TRIO: variants seen among roughly 807,000 people sequenced by gnomAD.
TRIO encodes triple functional domain protein.
TRIO carries 58 observed loss-of-function variants against 351.9 expected under a neutral mutation model. The ratio of observed to expected loss-of-function variants is 0.16; its 90% CI spans 0.13 to 0.21. The LOEUF (loss-of-function observed/expected upper bound fraction) is 0.21. TRIO is among the 10% of genes least tolerant of loss of function. The probability of loss-of-function intolerance (pLI) is 1.00; values close to 1 mark genes in which losing one functional copy is unlikely to be tolerated. For missense variants in TRIO, 3,201 were observed against 4,027.8 expected (o/e 0.79, Z 5.56); for synonymous variants, 1,758 against 1,595.7 (o/e 1.10, Z -2.42).
At chr5:14,289,576 G>A (rs1047584145) in intron 4 of TRIO, among the ~76,000 whole-genome samples, 1 of 151,874 alleles carries the variant, frequency 6.6e-6, no homozygotes, top group Non-Finnish European at 1.5e-5. Context: ...GGTCGTGTGC[G>A]ATGTCTCATG....
chr5:14,242,904 C>T (rs945493481), intron 1 of TRIO, among the ~76,000 whole-genome samples: 3 of 152,220 alleles, frequency 2.0e-5, no homozygotes, highest in Admixed American at 6.5e-5. Context: ...ACAGGCCCTG[C>T]CTTCTCTAAA....
At chr5:14,287,437 G>A (rs928486317) in intron 4 of TRIO, among the ~76,000 whole-genome samples, 2 of 152,216 alleles carry the variant, frequency 1.3e-5, no homozygotes, top group African/African-American at 2.4e-5. Context: ...TGGAGATGAG[G>A]GAATGTTAGG....
In TRIO at chr5:14,393,988, A is replaced by G. The variant is rs1747336485; in HGVS notation, c.4219-50A>G. ...GTAATGTGTTTTATGGCCATGATTT[A>G]ATAGTGTAGCCCTATGATAACTCTT... On this transcript the variant is annotated intron_variant, in intron 27 of 56. Transcript: ENST00000344204. The G allele has an allele frequency of 4.8e-6, 6 of 1,260,858 alleles. No individual in the cohort carries two copies. In the Admixed American group the frequency reaches 7.4e-5, roughly 16 times the overall value. 78.1% of individuals were successfully genotyped at this position (1,260,858 alleles called of 1,614,324 possible). A position where few individuals can be genotyped will look rare whatever the true frequency, so the allele number is the denominator to read the frequency against.
intron 1 of TRIO, among the ~76,000 whole-genome samples, chr5:14,226,970 A>G (rs1793085141): frequency 6.6e-6 from 1 of 151,848 alleles, no homozygotes; most frequent in African/African-American, 2.4e-5. Context: ...GAGGAACACA[A>G]TCTGAAGACA....
intron 16 of TRIO, 72 bp downstream of exon 16, chr5:14,367,051 TG>T: frequency 6.3e-7 from 1 of 1,591,826 alleles, no homozygotes; most frequent in Non-Finnish European, 8.6e-7. Context: ...TCCCCCAACA[TG>T]GCACTGACCA....
Position 14,364,780 on chromosome 5 carries a change from C to T in TRIO, c.2718C>T (p.Cys906=), listed in dbSNP as rs143188595. The part of the protein sequence containing the change: ...AEQHRKHLEQ[C]VQLRHLQAEV... ...AGCATCGGAAACACCTGGAGCAGTG[C>T]GTGCAGCTGCGCCACCTGCAGGCAG... The change falls in exon 15 of 57, where the codon TGC becomes TGT. Residue 906 remains cysteine (C), a synonymous_variant. Transcript: ENST00000344204. 11 of 1,611,382 alleles carry T rather than the reference C, an allele frequency of 6.8e-6. No homozygotes were observed. Among genetic ancestry groups the T allele is most frequent in the East Asian group, 6.7e-5 (3 of 44,862 alleles).
chr5:14,336,969 G>A (rs1741473363), intron 11 of TRIO, among the ~76,000 whole-genome samples: 1 of 152,204 alleles, frequency 6.6e-6, no homozygotes, highest in Non-Finnish European at 1.5e-5. Flanking sequence ...GGACCCATGA[G>A]GGTTGGGAGA....
intron 8 of TRIO, among the ~76,000 whole-genome samples, chr5:14,311,618 G>A (rs935446781): frequency 7.9e-5 from 12 of 152,204 alleles, no homozygotes; most frequent in African/African-American, 2.7e-4. Context: ...TGCAGAATAA[G>A]CTGGGTGGTT....
At position 14,291,080 on chromosome 5, in the gene TRIO, C is replaced by A; in HGVS notation, c.905C>A (p.Ala302Glu). The change falls in exon 5 of 57, where the codon GCG becomes GAG. Residue 302 changes from alanine to glutamate, a missense_variant. Coordinates refer to ENST00000344204, the MANE Select transcript of TRIO (RefSeq NM_007118.4). ...AAAAAGAACTCAGGCTCAGGCAATGCGGACCTGCAGAACCTCTTGCCCAAG... is the reference window on the plus strand; with the variant it reads ...AAAAAGAACTCAGGCTCAGGCAATGAGGACCTGCAGAACCTCTTGCCCAAG... ...FPKKNSGSGNADLQNLLPKVS... is the reference protein window; with the variant it reads ...FPKKNSGSGNEDLQNLLPKVS... The A allele has an allele frequency of 1.2e-6, 2 of 1,614,198 alleles. No individual in the cohort carries two copies. Among genetic ancestry groups the A allele is most frequent in the South Asian group, 1.1e-5 (1 of 91,086 alleles).
intron 18 of TRIO, 33 bp downstream of exon 18, chr5:14,369,556 C>A: frequency 1.3e-6 from 2 of 1,577,620 alleles, no homozygotes; most frequent in Non-Finnish European, 1.7e-6. Flanking sequence ...GTGCACCCAT[C>A]AGAGGCTTCC....
At chr5:14,231,163 C>T (rs1028210368) in intron 1 of TRIO, among the ~76,000 whole-genome samples, 1 of 152,230 alleles carries the variant, frequency 6.6e-6, no homozygotes, top group Non-Finnish European at 1.5e-5. Context: ...CCCCGTTATA[C>T]TCAGTGTTGC....
intron 11 of TRIO, among the ~76,000 whole-genome samples, chr5:14,340,114 G>A (rs1347690781): frequency 2.6e-5 from 4 of 152,054 alleles, no homozygotes; most frequent in African/African-American, 7.2e-5. Context: ...GCTTGTCTTG[G>A]CTGGGCGTGG....
intron 1 of TRIO, among the ~76,000 whole-genome samples, chr5:14,186,911 C>CA (rs1433859909): frequency 6.6e-6 from 1 of 152,182 alleles, no homozygotes; most frequent in Admixed American, 6.5e-5. Context: ...GACTCTTGGG[C>CA]ACAATGCCAC....
At position 14,304,541 on chromosome 5, in the gene TRIO, C is replaced by T. The variant is rs961385688; in HGVS notation, c.1449C>T (p.Ala483=). The change falls in exon 8 of 57, where the codon GCC becomes GCT. Residue 483 remains alanine, a synonymous_variant. Coordinates refer to ENST00000344204, the MANE Select transcript of TRIO (RefSeq NM_007118.4). The stretch of plus-strand genomic sequence containing the variant: ...CAGAGCTGCAGGACCTAGAAGATGC[C>T]ATTCATCACCACCAGGGAATATATG... ...LPSELQDLED[A]IHHHQGIYEH... 13 of 1,614,018 alleles carry T rather than the reference C, an allele frequency of 8.1e-6. No homozygotes were observed. The highest frequency in any genetic ancestry group is 1.0e-5 in the Non-Finnish European group (12 of 1,179,996).
intron 34 of TRIO, among the ~76,000 whole-genome samples, chr5:14,452,843 T>C (rs1183403490): frequency 2.0e-5 from 3 of 152,228 alleles, no homozygotes; most frequent in Non-Finnish European, 4.4e-5. Context: ...AACATGATCC[T>C]CCTTGGTCTG....
At chr5:14,357,079 A>G (rs548173362) in intron 11 of TRIO, among the ~76,000 whole-genome samples, 8 of 152,358 alleles carry the variant, frequency 5.3e-5, no homozygotes, top group African/African-American at 1.9e-4. Flanking sequence ...TGCAGCTTAT[A>G]GTATGTCAGT....
intron 29 of TRIO, chr5:14,397,381 A>T: frequency 2.2e-6 from 1 of 448,314 alleles, no homozygotes. Flanking sequence ...GCCTCTCCAC[A>T]CTCTGGACTC....
chr5:14,355,695 A>T (rs1365658733), intron 11 of TRIO, among the ~76,000 whole-genome samples: 2 of 152,244 alleles, frequency 1.3e-5, no homozygotes, highest in African/African-American at 4.8e-5. Flanking sequence ...TATAAATGCA[A>T]CTGCCATGTT....
chr5:14,316,506 TG>T lies in TRIO; in HGVS notation c.1501-4del, dbSNP rs1366153986. 6.2e-7 allele frequency: 1 copy of T among 1,613,614 alleles called. No homozygotes were observed. The highest frequency in any genetic ancestry group is 1.7e-5 in the Admixed American group (1 of 60,008). On this transcript the variant is annotated splice_polypyrimidine_tract_variant and splice_region_variant and intron_variant, in intron 8 of 56. Transcript: ENST00000344204. ...CGTGAAGAATCACTCATTTCTTTTG[TG>T]GGCAGGTCAGCCAAGATGGGAAGTC...
Sources: gnomAD v4.1 joint callset for allele counts (sites outside exome capture counted in the v4.1 genomes callset) on GRCh38, gnomAD v4.1.1 for gene constraint, MANE v1.5 for transcripts, NCBI Gene and HGNC (gene_info 2026-07-23, HGNC 2026-07-21) for gene names.